CSTF3: variants seen among roughly 807,000 people sequenced by gnomAD.
CSTF3 encodes the protein CF-1 77 kDa subunit.
In CSTF3, 29 loss-of-function variants were observed where a neutral mutation model predicts 105.8. The ratio of observed to expected loss-of-function variants is 0.27; its 90% CI spans 0.20 to 0.37. CSTF3 has a LOEUF of 0.37. CSTF3 is among the 10% of genes least tolerant of loss of function. CSTF3 has a pLI of 1.00. For missense variants in CSTF3, 357 were observed against 879.3 expected (o/e 0.41, Z 7.51); for synonymous variants, 252 against 281.9 (o/e 0.89, Z 1.06).
In CSTF3 at chr11:33,102,058, T is replaced by C. The variant is rs1377766341; in HGVS notation, c.826+119A>G. 4.4e-6 allele frequency: 3 copies of C among 684,728 alleles called. No individual in the cohort carries two copies. In the African/African-American group the frequency reaches 5.4e-5, roughly 12 times the overall value. 42.4% of individuals were successfully genotyped at this position (684,728 alleles called of 1,614,324 possible). ...TATGGAGATAGATCTATAGGAATTA[T>C]TGAATCTGAAGAACAAAAGAAAAAA... On this transcript the variant is annotated intron_variant, in intron 10 of 20. Transcript: ENST00000323959.
chr11:33,128,352 T>C (rs533678063), intron 3 of CSTF3, among the ~76,000 whole-genome samples: 1 of 152,040 alleles, frequency 6.6e-6, no homozygotes, highest in Non-Finnish European at 1.5e-5. Flanking sequence ...AAACTAAAAA[T>C]AAAGAAAAAG....
chr11:33,086,842 G>T, intron 18 of CSTF3, 146 bp downstream of exon 18: 1 of 954,360 alleles, frequency 1.0e-6, no homozygotes, highest in Non-Finnish European at 1.6e-6. Context: ...CTAGTTCAAA[G>T]ATTAAAGCTA....
At chr11:33,101,258 C>G (rs1855278074) in intron 10 of CSTF3, among the ~76,000 whole-genome samples, 1 of 152,114 alleles carries the variant, frequency 6.6e-6, no homozygotes, top group Non-Finnish European at 1.5e-5. Context: ...AAGCCAGATC[C>G]CGAAAATCTG....
intron 1 of CSTF3, among the ~76,000 whole-genome samples, chr11:33,148,247 CCTGGCT>C (rs1855808390): frequency 6.6e-6 from 1 of 152,208 alleles, no homozygotes; most frequent in Non-Finnish European, 1.5e-5. Context: ...GATTCTCAAT[CCTGGCT>C]CTGCATTAGA....
In CSTF3 at chr11:33,148,866, T is replaced by G. The variant is rs561856934; in HGVS notation, c.28-6880A>C. The stretch of plus-strand genomic sequence containing the variant: ...GTGTGTGTACTGTTGCTGTGTTTTT[T>G]TTTTTTTTTTTTAAAGAGACAGGCT... On this transcript the variant is annotated intron_variant, in intron 1 of 20. Transcript: ENST00000323959. 8.7e-3 allele frequency among the ~76,000 whole-genome samples: 1,307 copies of G among 150,988 alleles called. 17 individuals carry two copies. The highest frequency in any genetic ancestry group is 0.029 in the African/African-American group (1,190 of 41,226).
chr11:33,135,780 T>C (rs112214683), intron 3 of CSTF3, among the ~76,000 whole-genome samples: 30 of 152,226 alleles, frequency 2.0e-4, no homozygotes, highest in African/African-American at 6.7e-4. Flanking sequence ...AAATCCAGTA[T>C]GAAAAGTTGC....
intron 1 of CSTF3, among the ~76,000 whole-genome samples, chr11:33,151,785 C>A (rs1374556483): frequency 6.6e-6 from 1 of 152,126 alleles, no homozygotes; most frequent in Non-Finnish European, 1.5e-5. Context: ...AACTACCAGA[C>A]TTTAAAGGGG....
In CSTF3 at chr11:33,102,487, TAG is replaced by T. The variant is rs1271456243; in HGVS notation, c.664-150_664-149del. On this transcript the variant is annotated intron_variant, in intron 9 of 20. Coordinates refer to ENST00000323959, the MANE Select transcript of CSTF3 (RefSeq NM_001326.3). ...ATATAATCTAAAAACTATTTAAGAG[TAG>T]AGAGAAAGATAAGAGTATTACCCAC... is the stretch of plus-strand genomic sequence containing the variant. 8.3e-6 allele frequency: 6 copies of T among 721,654 alleles called. No individual in the cohort carries two copies. The East Asian group carries it at 1.6e-4, about 20-fold the overall frequency. 44.7% of individuals were successfully genotyped at this position (721,654 alleles called of 1,614,324 possible). A position where few individuals can be genotyped will look rare whatever the true frequency, so the allele number is the denominator to read the frequency against.
intron 1 of CSTF3, among the ~76,000 whole-genome samples, chr11:33,155,647 T>C (rs942543339): frequency 1.3e-5 from 2 of 152,194 alleles, no homozygotes; most frequent in Non-Finnish European, 2.9e-5. Flanking sequence ...CTGATTTTAT[T>C]CAATATTTAC....
intron 3 of CSTF3, among the ~76,000 whole-genome samples, chr11:33,119,940 T>C (rs1855469937): frequency 6.6e-6 from 1 of 151,798 alleles, no homozygotes; most frequent in African/African-American, 2.4e-5. Context: ...TGTTTCTCTA[T>C]TCTTGAACAA....
rs770702577 is a variant in CSTF3, at chr11:33,085,785, A to G, written c.1891-12T>C. Reference sequence around the variant, plus strand: ...TGTACAAAAGGACCCTATTTTTGACATGAATAAATTTTAATCCCAGTAATC... The same window carrying G: ...TGTACAAAAGGACCCTATTTTTGACGTGAATAAATTTTAATCCCAGTAATC... On this transcript the variant is annotated splice_polypyrimidine_tract_variant and intron_variant, in intron 19 of 20. Coordinates refer to ENST00000323959, the MANE Select transcript of CSTF3 (RefSeq NM_001326.3). The G allele has an allele frequency of 1.4e-5, 23 of 1,613,042 alleles. No individual in the cohort carries two copies. Among genetic ancestry groups the G allele is most frequent in the Non-Finnish European group, 2.0e-5 (23 of 1,179,108 alleles).
At chr11:33,102,806 G>A (rs1013406743) in intron 9 of CSTF3, among the ~76,000 whole-genome samples, 3 of 152,242 alleles carry the variant, frequency 2.0e-5, no homozygotes, top group African/African-American at 7.2e-5. Context: ...ACAATATTCA[G>A]ATGAACCCAA....
rs960105488 is a variant in CSTF3 at position 33,099,414 on chromosome 11, C to T, written c.936+194G>A. Among the ~76,000 whole-genome samples the T allele has an allele frequency of 8.5e-5, 13 of 152,076 alleles. No individual in the cohort carries two copies. Among genetic ancestry groups the T allele is most frequent in the Admixed American group, 2.6e-4 (4 of 15,250 alleles). On this transcript the variant is annotated intron_variant, in intron 11 of 20. Coordinates refer to ENST00000323959, the MANE Select transcript of CSTF3 (RefSeq NM_001326.3). This position sits in a 1 kb window ranked among gnomAD's most constrained non-coding sequence, Gnocchi z 4.1. ...CTCTAAATGATTCATTACTTTGATA[C>T]GTTAAAAAACTGCCAGTTTATTTTA...
At chr11:33,125,274 C>A (rs539909161) in intron 3 of CSTF3, among the ~76,000 whole-genome samples, 1 of 152,114 alleles carries the variant, frequency 6.6e-6, no homozygotes. Context: ...CTAATCTTAT[C>A]TAAATTCTAG....
At chr11:33,125,402 G>C (rs1473654028) in intron 3 of CSTF3, among the ~76,000 whole-genome samples, 1 of 152,142 alleles carries the variant, frequency 6.6e-6, no homozygotes, top group African/African-American at 2.4e-5. Flanking sequence ...CTGAGGCGTA[G>C]GAAGAAGGTG....
intron 10 of CSTF3, 31 bp downstream of exon 10, chr11:33,102,146 A>C (rs746876614): frequency 6.2e-7 from 1 of 1,602,614 alleles, no homozygotes; most frequent in East Asian, 2.2e-5. Context: ...CATACATGTA[A>C]CTGAAGTCCC....
At chr11:33,122,820 G>C (rs763888419) in intron 3 of CSTF3, among the ~76,000 whole-genome samples, 4 of 150,108 alleles carry the variant, frequency 2.7e-5, no homozygotes, top group Non-Finnish European at 4.4e-5. Context: ...AGGGGCTGAA[G>C]TGGGGGGATT....
At chr11:33,097,905 G>C (rs1367027990) in intron 13 of CSTF3, among the ~76,000 whole-genome samples, 1 of 152,090 alleles carries the variant, frequency 6.6e-6, no homozygotes, top group Admixed American at 6.5e-5. Flanking sequence ...CAGTTTTGAT[G>C]GATGGATGGA....
At chr11:33,104,303 C>T (rs750884364) in intron 8 of CSTF3, among the ~76,000 whole-genome samples, 37 of 152,122 alleles carry the variant, frequency 2.4e-4, no homozygotes, top group Non-Finnish European at 4.9e-4. Context: ...ATTTGCCTCT[C>T]TCATAAAATA....
Sources: allele counts gnomAD v4.1 joint callset (sites outside exome capture counted in the v4.1 genomes callset), GRCh38; gene constraint gnomAD v4.1.1; non-coding constraint Gnocchi (gnomAD v3.1); transcripts MANE v1.5; gene names NCBI Gene and HGNC (gene_info 2026-07-23, HGNC 2026-07-21).